The following SGPL1 variants were observed in gnomAD, a reference collection of about 807,000 sequenced individuals.
SGPL1 encodes the protein SP-lyase 1.
Under a neutral mutation model 68.9 loss-of-function variants are expected in SGPL1, and 37 were observed. The observed-to-expected ratio is 0.54, with a 90% CI of 0.41 to 0.71. The LOEUF (loss-of-function observed/expected upper bound fraction) is 0.71. Ranked by LOEUF, SGPL1 falls within the 30% of genes least tolerant of loss-of-function variation. The probability of loss-of-function intolerance (pLI) is 0.00; values close to 1 mark genes in which losing one functional copy is unlikely to be tolerated. For synonymous variants in SGPL1, 236 were observed against 248.5 expected, an observed-to-expected ratio of 0.95 and a Z score of 0.47; for missense variants, 551 against 704.6, an observed-to-expected ratio of 0.78 and a Z score of 2.47.
At chr10:70,872,160 A>G (rs966647108) in intron 11 of SGPL1, among the ~76,000 whole-genome samples, 174 bp downstream of exon 11, 4 of 152,204 alleles carry the variant, frequency 2.6e-5, no homozygotes, top group African/African-American at 9.7e-5. Flanking sequence ...GATGGGGTAT[A>G]GTGGTAGAGG....
intron 3 of SGPL1, among the ~76,000 whole-genome samples, chr10:70,848,144 TTG>T (rs1174851576): frequency 4.6e-5 from 7 of 152,238 alleles, no homozygotes; most frequent in African/African-American, 1.7e-4. Flanking sequence ...CAGTTTCTTG[TTG>T]TGTCACCTTG....
At chr10:70,875,758 C>T (rs564866759) in intron 13 of SGPL1, among the ~76,000 whole-genome samples, 2 of 152,326 alleles carry the variant, frequency 1.3e-5, no homozygotes, top group South Asian at 2.1e-4. Context: ...AATTAGGTGA[C>T]AGCCTCCTAG....
chr10:70,819,780 G>A (rs1012619640), intron 2 of SGPL1, among the ~76,000 whole-genome samples: 1 of 152,068 alleles, frequency 6.6e-6, no homozygotes, highest in African/African-American at 2.4e-5. Context: ...ACAGGCACAT[G>A]CCACCATGCC....
intron 3 of SGPL1, among the ~76,000 whole-genome samples, chr10:70,849,825 T>C (rs1845850401): frequency 6.6e-6 from 1 of 152,214 alleles, no homozygotes; most frequent in Non-Finnish European, 1.5e-5. Flanking sequence ...AGAAAATTCC[T>C]GTGGTGCATT....
chr10:70,875,852 T>G (rs1408757565), intron 13 of SGPL1, among the ~76,000 whole-genome samples: 1 of 152,192 alleles, frequency 6.6e-6, no homozygotes, highest in East Asian at 1.9e-4. Flanking sequence ...ATCAAATTGC[T>G]CTTATAAAAT....
In SGPL1 at chr10:70,880,064, CAAT is replaced by C. The variant is rs1271207472; in HGVS notation, c.*2733_*2735del. 6.6e-6 allele frequency: 1 copy of C among 152,584 alleles called. No homozygotes were observed. Among genetic ancestry groups the C allele is most frequent in the Non-Finnish European group, 1.5e-5 (1 of 68,042 alleles). 9.5% of individuals were successfully genotyped at this position (152,584 alleles called of 1,614,324 possible). A position where few individuals can be genotyped will look rare whatever the true frequency, so the allele number is the denominator to read the frequency against. On this transcript the variant is annotated 3_prime_UTR_variant, in exon 15 of 15. Transcript: ENST00000373202. The stretch of plus-strand genomic sequence containing the variant: ...TTCAATGCTCCCTTCCTAATTTCAG[CAAT>C]AATCTCAAAAAGCAATTAAATAGTT...
chr10:70,836,475 A>G (rs374118648), intron 2 of SGPL1, among the ~76,000 whole-genome samples: 1 of 152,100 alleles, frequency 6.6e-6, no homozygotes, highest in East Asian at 1.9e-4. Context: ...CTATAGAGTG[A>G]TACTGCACAC....
At chr10:70,847,680 C>T (rs1001810356) in intron 3 of SGPL1, among the ~76,000 whole-genome samples, 1 of 152,160 alleles carries the variant, frequency 6.6e-6, no homozygotes, top group Non-Finnish European at 1.5e-5. Flanking sequence ...CACATACACA[C>T]ACAGCACACT....
chr10:70,875,377 C>G, intron 12 of SGPL1, 25 bp from the exon 13 acceptor site: 1 of 1,518,628 alleles, frequency 6.6e-7, no homozygotes, highest in South Asian at 1.1e-5. Flanking sequence ...ACTTTTTCTT[C>G]CTTCATTTAT....
chr10:70,861,752 T>TGCCGGCCCC (rs1416099560), intron 7 of SGPL1, among the ~76,000 whole-genome samples: 1 of 152,148 alleles, frequency 6.6e-6, no homozygotes, highest in Non-Finnish European at 1.5e-5. Context: ...CGGCCGGCCC[T>TGCCGGCCCC]GCCGGCCCCG....
At chr10:70,829,679 A>G (rs1227046160) in intron 2 of SGPL1, among the ~76,000 whole-genome samples, 1 of 152,128 alleles carries the variant, frequency 6.6e-6, no homozygotes, top group Non-Finnish European at 1.5e-5. Flanking sequence ...GCCACACATC[A>G]CACAGCTTCT....
Position 70,871,912 on chromosome 10 carries a change from G to A in SGPL1, c.985G>A (p.Ala329Thr), listed in dbSNP as rs1243677751. The part of the protein sequence containing the change: ...GGFLIVFMEK[A>T]GYPLEHPFDF... ...CTTCCTCATCGTCTTTATGGAGAAA[G>A]CAGGATACCCACTGGAGCACCCATT... is the stretch of plus-strand genomic sequence containing the variant. Residue 329 changes from alanine to threonine, a missense_variant, in exon 11 of 15, where the codon GCA becomes ACA. Transcript: ENST00000373202. 1.2e-5 allele frequency: 20 copies of A among 1,614,142 alleles called. No homozygotes were observed. Among genetic ancestry groups the A allele is most frequent in the Non-Finnish European group, 1.7e-5 (20 of 1,180,028 alleles).
intron 6 of SGPL1, among the ~76,000 whole-genome samples, chr10:70,858,628 C>G (rs539772192): frequency 6.6e-6 from 1 of 152,196 alleles, no homozygotes; most frequent in Non-Finnish European, 1.5e-5. Flanking sequence ...TTCCCATTAT[C>G]TACAGGATGA....
chr10:70,831,614 G>T (rs1467906131), intron 2 of SGPL1, among the ~76,000 whole-genome samples: 2 of 152,234 alleles, frequency 1.3e-5, no homozygotes, highest in Non-Finnish European at 2.9e-5. Context: ...AGGGGAAGGG[G>T]TGTGGAGCCT....
chr10:70,851,052 A>G, intron 3 of SGPL1, 91 bp from the exon 4 acceptor site: 1 of 946,208 alleles, frequency 1.1e-6, no homozygotes, highest in Non-Finnish European at 1.7e-6. Flanking sequence ...TTGGAAGGCA[A>G]GTGAGGTGGA....
At position 70,874,238 on chromosome 10, in the gene SGPL1, TTAAG is replaced by T. The variant is rs572091867; in HGVS notation, c.1298+652_1298+655del. Among the ~76,000 whole-genome samples the T allele has an allele frequency of 2.2e-4, 34 of 152,244 alleles. 1 individual carries two copies. The East Asian group carries it at 6.2e-3, about 28-fold the overall frequency. On this transcript the variant is annotated intron_variant, in intron 12 of 14. Coordinates refer to ENST00000373202, the MANE Select transcript of SGPL1 (RefSeq NM_003901.4). ...GTGTCACTTGGATTGGGGAGGCTCT[TTAAG>T]TATATTGAGGGGGAAGGAAAGCTGC... is the stretch of plus-strand genomic sequence containing the variant.
At position 70,880,586 on chromosome 10, in the gene SGPL1, A is replaced by G. The variant is rs1846481880; in HGVS notation, c.*3251A>G. ...AGGGGCTAACAGAGCTCCTCAGATA[A>G]TCTTCACACACATGTAACTGCTGGA... is the stretch of plus-strand genomic sequence containing the variant. On this transcript the variant is annotated 3_prime_UTR_variant, in exon 15 of 15. Coordinates refer to ENST00000373202, the MANE Select transcript of SGPL1 (RefSeq NM_003901.4). 1.3e-5 allele frequency: 2 copies of G among 152,210 alleles called. No homozygotes were observed. Among genetic ancestry groups the G allele is most frequent in the Admixed American group, 1.3e-4 (2 of 15,282 alleles). 9.4% of individuals were successfully genotyped at this position (152,210 alleles called of 1,614,324 possible).
At chr10:70,831,228 C>T (rs1845529945) in intron 2 of SGPL1, among the ~76,000 whole-genome samples, 1 of 152,180 alleles carries the variant, frequency 6.6e-6, no homozygotes, top group Non-Finnish European at 1.5e-5. Flanking sequence ...TACTCTCACA[C>T]CACAACAATC....
Position 70,822,093 on chromosome 10 carries a change from CAA to C in SGPL1, c.27+5214_27+5215del, listed in dbSNP as rs1286547715. On this transcript the variant is annotated intron_variant, in intron 2 of 14. Coordinates refer to ENST00000373202, the MANE Select transcript of SGPL1 (RefSeq NM_003901.4). ...TCAGGGATGCTTTCTTTCTGAATCT[CAA>C]GTGGGATTTAAGCAATAAACTGAAA... Among the ~76,000 whole-genome samples, 3 of 152,270 alleles carry C rather than the reference CAA, an allele frequency of 2.0e-5. No individual in the cohort carries two copies. In the East Asian group the frequency reaches 5.8e-4, roughly 29 times the overall value.
Sources: allele counts gnomAD v4.1 joint callset (sites outside exome capture counted in the v4.1 genomes callset), GRCh38; gene constraint gnomAD v4.1.1; transcripts MANE v1.5; gene names NCBI Gene and HGNC (gene_info 2026-07-23, HGNC 2026-07-21).